CAMK1D: variants seen among roughly 807,000 people sequenced by gnomAD.
CAMK1D encodes calcium/calmodulin-dependent protein kinase type 1D.
A neutral mutation model predicts 47.7 loss-of-function variants in CAMK1D; 9 were observed. The observed-to-expected ratio is 0.19, with a 90% CI of 0.11 to 0.33. The LOEUF is 0.33. CAMK1D is among the 10% of genes least tolerant of loss of function. The pLI is 1.00. For missense variants in CAMK1D, 291 were observed against 488.7 expected, an observed-to-expected ratio of 0.60 and a Z score of 3.81; for synonymous variants, 184 against 184.9, an observed-to-expected ratio of 0.99 and a Z score of 0.04.
At chr10:12,693,712 C>G (rs114692604) in intron 3 of CAMK1D, among the ~76,000 whole-genome samples, 1 of 150,670 alleles carries the variant, frequency 6.6e-6, no homozygotes, top group African/African-American at 2.4e-5. Context: ...TGTAATATTT[C>G]CAGCCTGCTG....
At chr10:12,588,811 TAC>T (rs1312024895) in intron 2 of CAMK1D, among the ~76,000 whole-genome samples, 1 of 133,068 alleles carries the variant, frequency 7.5e-6, no homozygotes. Flanking sequence ...CACACACACA[TAC>T]ACACATGCAC....
chr10:12,477,760 C>T (rs557044816), intron 1 of CAMK1D, among the ~76,000 whole-genome samples: 1 of 152,112 alleles, frequency 6.6e-6, no homozygotes, highest in Non-Finnish European at 1.5e-5. Context: ...AGGGAGTGCT[C>T]ACCTGTGCGA....
chr10:12,545,889 T>C (rs1248979906), intron 1 of CAMK1D, among the ~76,000 whole-genome samples: 1 of 151,976 alleles, frequency 6.6e-6, no homozygotes, highest in Non-Finnish European at 1.5e-5. Flanking sequence ...TGGGCAGAAC[T>C]TGAACAAAGG....
chr10:12,759,504 G>A (rs1051220793), intron 3 of CAMK1D, among the ~76,000 whole-genome samples: 2 of 152,266 alleles, frequency 1.3e-5, no homozygotes, highest in African/African-American at 4.8e-5. Context: ...TGAGAGGAGA[G>A]AAGTTGGTGT....
chr10:12,706,091 C>T (rs1451304463), intron 3 of CAMK1D, among the ~76,000 whole-genome samples: 1 of 152,142 alleles, frequency 6.6e-6, no homozygotes, highest in Non-Finnish European at 1.5e-5. Flanking sequence ...TAGGTGTACA[C>T]TAAGGTTTTT....
intron 1 of CAMK1D, among the ~76,000 whole-genome samples, chr10:12,489,861 C>T (rs1392605998): frequency 6.6e-6 from 1 of 152,108 alleles, no homozygotes; most frequent in African/African-American, 2.4e-5. Flanking sequence ...TCTGCAGGGA[C>T]CACGGGCTGA....
rs114628347 is a variant in CAMK1D, at chr10:12,664,143, A to G, written c.225-2593A>G. On this transcript the variant is annotated intron_variant, in intron 2 of 10. Coordinates refer to ENST00000619168, the MANE Select transcript of CAMK1D (RefSeq NM_153498.4). Reference sequence around the variant, plus strand: ...CTGAACTTAAAGGCAATTCTACAGAATTTAGCATTTGATTCTTTTCTAATT... The same window carrying G: ...CTGAACTTAAAGGCAATTCTACAGAGTTTAGCATTTGATTCTTTTCTAATT... Among the ~76,000 whole-genome samples the G allele has an allele frequency of 3.9e-3, 592 of 152,310 alleles. 5 individuals carry two copies. Among genetic ancestry groups the G allele is most frequent in the African/African-American group, 0.014 (575 of 41,574 alleles).
chr10:12,778,942 G>A (rs1050861803), intron 5 of CAMK1D, among the ~76,000 whole-genome samples: 3 of 152,176 alleles, frequency 2.0e-5, no homozygotes, highest in Admixed American at 2.0e-4. Context: ...TGGAGGACAT[G>A]GATTTGGAGG....
At chr10:12,643,757 G>A (rs539657427) in intron 2 of CAMK1D, among the ~76,000 whole-genome samples, 95 of 152,110 alleles carry the variant, frequency 6.2e-4, no homozygotes, top group African/African-American at 2.1e-3. Flanking sequence ...GGTGGGGCAA[G>A]CCTGTAATCC....
intron 8 of CAMK1D, among the ~76,000 whole-genome samples, chr10:12,818,916 G>A (rs1402257318): frequency 6.6e-6 from 1 of 152,180 alleles, no homozygotes; most frequent in Non-Finnish European, 1.5e-5. Flanking sequence ...AGTAGTCAAA[G>A]TATGCGACGA....
intron 2 of CAMK1D, among the ~76,000 whole-genome samples, chr10:12,633,384 G>A (rs1281750097): frequency 2.0e-5 from 3 of 152,152 alleles, no homozygotes; most frequent in Non-Finnish European, 4.4e-5. Context: ...GTTTCTGGCT[G>A]GTTCCACCTC....
At chr10:12,505,742 T>A (rs1834849821) in intron 1 of CAMK1D, among the ~76,000 whole-genome samples, 1 of 152,222 alleles carries the variant, frequency 6.6e-6, no homozygotes, top group African/African-American at 2.4e-5. Flanking sequence ...TCTTTGTGGC[T>A]TTATTGCTGT....
chr10:12,598,285 C>A (rs1274609497), intron 2 of CAMK1D, among the ~76,000 whole-genome samples: 1 of 152,198 alleles, frequency 6.6e-6, no homozygotes, highest in Non-Finnish European at 1.5e-5. Flanking sequence ...AGCAGCTGCT[C>A]AGAGCGTGCG....
intron 5 of CAMK1D, among the ~76,000 whole-genome samples, chr10:12,787,733 G>A (rs1318576946): frequency 1.3e-5 from 2 of 152,222 alleles, no homozygotes; most frequent in African/African-American, 2.4e-5. Flanking sequence ...CGGGCGCGGT[G>A]GCTCACGCCT....
rs1175880145 is a variant in CAMK1D, at chr10:12,831,603, CCT to C, written c.*2718_*2719del. 6.6e-6 allele frequency: 1 copy of C among 152,206 alleles called. No individual in the cohort carries two copies. The highest frequency in any genetic ancestry group is 6.5e-5 in the Admixed American group (1 of 15,284). 9.4% of individuals were successfully genotyped at this position (152,206 alleles called of 1,614,324 possible). A position where few individuals can be genotyped will look rare whatever the true frequency, so the allele number is the denominator to read the frequency against. On this transcript the variant is annotated 3_prime_UTR_variant, in exon 11 of 11. Transcript: ENST00000619168. ...AGGTGAGCCGTGGTGCAGGTGCCCC[CCT>C]CGCTGTTCGGGTCAGTTCTTGGCCA...
intron 5 of CAMK1D, among the ~76,000 whole-genome samples, chr10:12,789,207 T>C (rs963868043): frequency 1.4e-5 from 2 of 143,684 alleles, no homozygotes; most frequent in African/African-American, 4.9e-5. Flanking sequence ...CATTATGAGA[T>C]TTTTTTGGCG....
At chr10:12,751,262 T>G (rs1835970091) in intron 3 of CAMK1D, among the ~76,000 whole-genome samples, 1 of 152,128 alleles carries the variant, frequency 6.6e-6, no homozygotes, top group African/African-American at 2.4e-5. Flanking sequence ...TATTTATTTG[T>G]TTATTATTCT....
intron 2 of CAMK1D, among the ~76,000 whole-genome samples, chr10:12,631,016 T>A (rs1403585797): frequency 6.6e-6 from 1 of 152,126 alleles, no homozygotes; most frequent in East Asian, 1.9e-4. Flanking sequence ...GTCTCAAGGG[T>A]GCAGCCTTTC....
At chr10:12,781,769 A>T (rs1837508067) in intron 5 of CAMK1D, among the ~76,000 whole-genome samples, 1 of 150,518 alleles carries the variant, frequency 6.6e-6, no homozygotes, top group African/African-American at 2.5e-5. Flanking sequence ...CTCCTGCCTC[A>T]TCCTCCCGAG....
Sources: allele counts gnomAD v4.1 joint callset (sites outside exome capture counted in the v4.1 genomes callset), GRCh38; gene constraint gnomAD v4.1.1; transcripts MANE v1.5; gene names NCBI Gene and HGNC (gene_info 2026-07-23, HGNC 2026-07-21).